The following GPC5 variants were observed in gnomAD, a reference collection of about 807,000 sequenced individuals.
GPC5 encodes the protein glypican-5.
A neutral mutation model predicts 53.9 loss-of-function variants in GPC5; 47 were observed. The ratio of observed to expected loss-of-function variants is 0.87; its 90% CI spans 0.69 to 1.11. GPC5 has a LOEUF of 1.11. Among genes scored for constraint, GPC5 ranks in the 50% most tolerant of loss-of-function variants. The pLI, the probability that GPC5 is intolerant of heterozygous loss-of-function variation, is 0.00. For synonymous variants in GPC5, 286 were observed against 263.3 expected (o/e 1.09, Z -0.84); for missense variants, 748 against 713.1 (o/e 1.05, Z -0.56).
At chr13:92,125,915 TGTTTTTTGG>T (rs1594773400) in intron 6 of GPC5, among the ~76,000 whole-genome samples, 6 of 124,738 alleles carry the variant, frequency 4.8e-5, no homozygotes, top group Admixed American at 9.1e-5. Flanking sequence ...AGGAAACATT[TGTTTTTTGG>T]TTTTTTTTTT....
At chr13:92,440,312 G>A (rs2104624) in intron 7 of GPC5, among the ~76,000 whole-genome samples, 99,837 of 151,862 alleles carry the variant, frequency 0.66, 33,626 homozygotes, top group African/African-American at 0.81. Flanking sequence ...GTCTATAAGG[G>A]CCCAATGTTT....
At chr13:92,194,834 T>A (rs1566479078) in intron 7 of GPC5, among the ~76,000 whole-genome samples, 1 of 152,220 alleles carries the variant, frequency 6.6e-6, no homozygotes, top group East Asian at 1.9e-4. Context: ...CCTTTCCTTG[T>A]AATCTAAGGT....
intron 7 of GPC5, among the ~76,000 whole-genome samples, chr13:92,798,533 G>GT (rs1876786244): frequency 6.6e-6 from 1 of 151,944 alleles, no homozygotes; most frequent in African/African-American, 2.4e-5. Context: ...AACCTACACT[G>GT]TAATTCAAGC....
chr13:92,166,957 C>CTCT (rs1566465866), intron 7 of GPC5, among the ~76,000 whole-genome samples: 123 of 63,058 alleles, frequency 2.0e-3, no homozygotes, highest in African/African-American at 6.2e-3. Flanking sequence ...CTCTCTCTCT[C>CTCT]ACACACACAC....
chr13:92,163,278 T>C (rs191997587), intron 7 of GPC5, among the ~76,000 whole-genome samples: 5,806 of 151,980 alleles, frequency 0.038, 248 homozygotes, highest in African/African-American at 0.098. Flanking sequence ...CCTGGCCGCA[T>C]GGTGAAACCC....
intron 7 of GPC5, among the ~76,000 whole-genome samples, chr13:92,171,205 C>CT (rs1217611178): frequency 6.6e-6 from 1 of 152,140 alleles, no homozygotes; most frequent in African/African-American, 2.4e-5. Context: ...TCAAGGACCA[C>CT]TTTTTTGTTC....
At chr13:92,700,043 C>G (rs1887678368) in intron 7 of GPC5, among the ~76,000 whole-genome samples, 1 of 151,992 alleles carries the variant, frequency 6.6e-6, no homozygotes, top group Admixed American at 6.6e-5. Context: ...AAGTCTCCCA[C>G]TATTATTGTG....
At chr13:92,008,147 C>T (rs1463294080) in intron 6 of GPC5, among the ~76,000 whole-genome samples, 1 of 150,070 alleles carries the variant, frequency 6.7e-6, no homozygotes, top group Admixed American at 6.7e-5. Flanking sequence ...ACTGCAAGCT[C>T]CGCCTCCCGG....
At chr13:91,464,044 A>G (rs575774732) in intron 2 of GPC5, among the ~76,000 whole-genome samples, 12 of 152,266 alleles carry the variant, frequency 7.9e-5, no homozygotes, top group Admixed American at 7.2e-4. Context: ...AGTTAAAAAA[A>G]CCCAGTTTAA....
At chr13:92,860,686 A>G (rs1275375828) in intron 7 of GPC5, among the ~76,000 whole-genome samples, 1 of 152,072 alleles carries the variant, frequency 6.6e-6, no homozygotes, top group African/African-American at 2.4e-5. Context: ...ACATAATAAG[A>G]TTCGTAGCAA....
At chr13:92,817,838 A>C (rs1483080468) in intron 7 of GPC5, among the ~76,000 whole-genome samples, 1 of 151,900 alleles carries the variant, frequency 6.6e-6, no homozygotes, top group Non-Finnish European at 1.5e-5. Flanking sequence ...AGTCACTCAG[A>C]AGAACAAGGT....
At chr13:92,751,404 A>G (rs1369634746) in intron 7 of GPC5, among the ~76,000 whole-genome samples, 1 of 150,580 alleles carries the variant, frequency 6.6e-6, no homozygotes, top group African/African-American at 2.4e-5. Flanking sequence ...ATTAAGATGC[A>G]CAATTAACTT....
intron 7 of GPC5, among the ~76,000 whole-genome samples, chr13:92,257,041 G>A (rs748657049): frequency 2.9e-5 from 4 of 139,644 alleles, no homozygotes; most frequent in Non-Finnish European, 5.9e-5. Flanking sequence ...ATCTAAAATA[G>A]TCATGCAGTA....
At chr13:92,711,792 A>G (rs1594444083) in intron 7 of GPC5, among the ~76,000 whole-genome samples, 2 of 152,176 alleles carry the variant, frequency 1.3e-5, no homozygotes, top group Middle Eastern at 6.8e-3. Flanking sequence ...AGTAAATGGA[A>G]ATCTCCAACT....
chr13:91,510,125 T>C (rs1885158130), intron 2 of GPC5, among the ~76,000 whole-genome samples: 1 of 152,176 alleles, frequency 6.6e-6, no homozygotes, highest in African/African-American at 2.4e-5. Flanking sequence ...ATTTCACAGC[T>C]ATAGAAAATT....
At chr13:91,809,288 ATCCAC>A (rs1162361672) in intron 5 of GPC5, among the ~76,000 whole-genome samples, 2 of 152,150 alleles carry the variant, frequency 1.3e-5, no homozygotes, top group Non-Finnish European at 2.9e-5. Flanking sequence ...AATATTTGAA[ATCCAC>A]TGCCGTTTAA....
intron 7 of GPC5, among the ~76,000 whole-genome samples, chr13:92,296,408 C>T (rs1016167052): frequency 6.6e-6 from 1 of 152,046 alleles, no homozygotes; most frequent in African/African-American, 2.4e-5. Flanking sequence ...CTCAGACTGT[C>T]CTTGGGCAGG....
At chr13:91,963,539 T>G (rs1053399760) in intron 6 of GPC5, among the ~76,000 whole-genome samples, 1 of 152,144 alleles carries the variant, frequency 6.6e-6, no homozygotes, top group African/African-American at 2.4e-5. Context: ...TTGTTGGAAG[T>G]GTAGATTGGT....
intron 7 of GPC5, among the ~76,000 whole-genome samples, chr13:92,544,639 G>A (rs994972730): frequency 1.6e-4 from 25 of 151,920 alleles, no homozygotes; most frequent in South Asian, 2.1e-4. Flanking sequence ...CTCTTCCCTC[G>A]TTTTGGGCCT....
Sources: allele counts gnomAD v4.1 joint callset (sites outside exome capture counted in the v4.1 genomes callset), GRCh38; gene constraint gnomAD v4.1.1; transcripts MANE v1.5; gene names NCBI Gene and HGNC (gene_info 2026-07-23, HGNC 2026-07-21).